Variants in JAKMIP3 observed in about 807,000 individuals in gnomAD.
The protein encoded by JAKMIP3 is Janus kinase and microtubule interacting protein 3.
Under a neutral mutation model 118.5 loss-of-function variants are expected in JAKMIP3, and 58 were observed. The observed-to-expected ratio is 0.49, with a 90% CI of 0.40 to 0.61. The LOEUF is 0.61. Among genes scored for constraint, JAKMIP3 ranks in the 20% least tolerant of loss-of-function variants. JAKMIP3 has a pLI of 0.00. For synonymous variants in JAKMIP3, 486 were observed against 451.2 expected (o/e 1.08, Z -0.98); for missense variants, 950 against 1,109.0 (o/e 0.86, Z 2.04).
intron 23 of JAKMIP3, among the ~76,000 whole-genome samples, chr10:132,173,000 CCTCTCTCTCTCTCTCCCT>C (rs1565005042): frequency 6.5e-4 from 32 of 49,246 alleles, no homozygotes; most frequent in African/African-American, 2.2e-3. Flanking sequence ...TCTCTCCTTC[CCTCTCTCTCTCTCTCCCT>C]CTCTCTCTCC....
chr10:132,113,178 T>C (rs2047130249), intron 2 of JAKMIP3, among the ~76,000 whole-genome samples: 1 of 152,222 alleles, frequency 6.6e-6, no homozygotes, highest in Non-Finnish European at 1.5e-5. Context: ...AGGAGGTAGA[T>C]GATCTGTGAA....
At chr10:132,045,469 A>T (rs935518312) in intron 1 of JAKMIP3, among the ~76,000 whole-genome samples, 11 of 151,932 alleles carry the variant, frequency 7.2e-5, no homozygotes, top group Non-Finnish European at 1.6e-4. Flanking sequence ...CAGCTTCCCT[A>T]ATTAGTGAAG....
intron 1 of JAKMIP3, among the ~76,000 whole-genome samples, chr10:132,067,354 A>C (rs577224808): frequency 2.0e-5 from 3 of 152,156 alleles, no homozygotes; most frequent in African/African-American, 7.2e-5. Flanking sequence ...CCCCTGTGAA[A>C]CCTAAGGGCA....
intron 23 of JAKMIP3, among the ~76,000 whole-genome samples, chr10:132,178,051 G>A (rs138295310): frequency 3.3e-5 from 5 of 152,348 alleles, no homozygotes; most frequent in African/African-American, 2.4e-5. Context: ...CTGTGCACCC[G>A]CTTCTGTGCA....
chr10:132,105,960 CTGTGATTTCACCTCCT>C (rs376583381), intron 2 of JAKMIP3, among the ~76,000 whole-genome samples: 3,162 of 151,792 alleles, frequency 0.021, 42 homozygotes, highest in Non-Finnish European at 0.033. Flanking sequence ...ATTGACCCTC[CTGTGATTTCACCTCCT>C]TGTCATATCA....
intron 1 of JAKMIP3, among the ~76,000 whole-genome samples, chr10:132,040,798 A>G (rs2037719378): frequency 6.6e-6 from 1 of 152,110 alleles, no homozygotes; most frequent in Non-Finnish European, 1.5e-5. Context: ...TCTGGAGGTT[A>G]TTCCTCTCAC....
At chr10:132,124,311 G>A (rs1409445727) in intron 3 of JAKMIP3, among the ~76,000 whole-genome samples, 1 of 151,096 alleles carries the variant, frequency 6.6e-6, no homozygotes, top group East Asian at 2.0e-4. Flanking sequence ...CATCACAGCT[G>A]AACCAGCCGG....
At chr10:132,050,947 AC>A (rs1365982475) in intron 1 of JAKMIP3, among the ~76,000 whole-genome samples, 1 of 148,230 alleles carries the variant, frequency 6.7e-6, no homozygotes, top group African/African-American at 2.5e-5. Flanking sequence ...GTGAGTGGGT[AC>A]CTGCCTGTCT....
intron 1 of JAKMIP3, among the ~76,000 whole-genome samples, chr10:132,101,223 C>T (rs2044850739): frequency 6.6e-6 from 1 of 152,160 alleles, no homozygotes; most frequent in Non-Finnish European, 1.5e-5. Flanking sequence ...TTTCCCTCCT[C>T]CAAAGTGGAA....
At chr10:132,163,582 A>G (rs1432101135) in intron 20 of JAKMIP3, among the ~76,000 whole-genome samples, 170 bp downstream of exon 20, 1 of 152,038 alleles carries the variant, frequency 6.6e-6, no homozygotes, top group African/African-American at 2.4e-5. Context: ...CCTGATGGCC[A>G]TGCCCCCAAA....
intron 1 of JAKMIP3, among the ~76,000 whole-genome samples, chr10:132,042,770 T>C (rs2037800638): frequency 6.6e-6 from 1 of 152,118 alleles, no homozygotes; most frequent in Non-Finnish European, 1.5e-5. Context: ...GTATTAGAAA[T>C]AGTTAAGAAA....
At chr10:132,094,192 G>A (rs1422612950) in intron 1 of JAKMIP3, among the ~76,000 whole-genome samples, 1 of 151,878 alleles carries the variant, frequency 6.6e-6, no homozygotes, top group African/African-American at 2.4e-5. Context: ...CCTTAAATTG[G>A]GCTTTGCCTT....
intron 1 of JAKMIP3, among the ~76,000 whole-genome samples, chr10:132,054,937 G>A (rs371179976): frequency 7.9e-5 from 12 of 151,858 alleles, no homozygotes; most frequent in Admixed American, 1.3e-4. Context: ...AGGACCCTCC[G>A]CTTGGGGATA....
At chr10:132,171,648 C>CTTTTTTTTTTTTTTT (rs1324091102) in intron 23 of JAKMIP3, among the ~76,000 whole-genome samples, 2 of 125,554 alleles carry the variant, frequency 1.6e-5, no homozygotes, top group South Asian at 4.8e-4. Flanking sequence ...TTATTTTTTT[C>CTTTTTTTTTTTTTTT]TTTCTTTTTT....
In JAKMIP3 at chr10:132,168,308, G is replaced by A. The variant is rs544420274; in HGVS notation, c.*378G>A. 118 of 1,289,508 alleles carry A rather than the reference G, an allele frequency of 9.2e-5. 2 individuals are homozygous for A. The African/African-American group carries it at 1.5e-3, about 17-fold the overall frequency. The allele number at this position is 1,289,508 out of a possible 1,614,324, so 79.9% of individuals were successfully genotyped here. ...GCTTCTGTGCAGAAGCACCAGCCGC[G>A]GGTCCCCTCCTCTCTCTTGGTTCTC... is the stretch of plus-strand genomic sequence containing the variant. On this transcript the variant is annotated 3_prime_UTR_variant, in exon 23 of 24. Coordinates refer to ENST00000684848, the MANE Select transcript of JAKMIP3 (RefSeq NM_001323087.2).
rs995159690 is a variant in JAKMIP3 at position 132,137,011 on chromosome 10, C to T, written c.1117-8C>T. On this transcript the variant is annotated splice_region_variant and splice_polypyrimidine_tract_variant and intron_variant, in intron 6 of 23. Transcript: ENST00000684848. ...CCAACTTGTGATGTGGGCTGCTTGG[C>T]GTTTCAGAGACAGAGAGCTGGAATC... 9.3e-6 allele frequency: 15 copies of T among 1,611,898 alleles called. No homozygotes were observed. The highest frequency in any genetic ancestry group is 2.2e-5 in the East Asian group (1 of 44,876).
rs2046992213 is a variant in JAKMIP3 at position 132,112,294 on chromosome 10, C to T, written c.136-4783C>T. On this transcript the variant is annotated intron_variant, in intron 2 of 23. Coordinates refer to ENST00000684848, the MANE Select transcript of JAKMIP3 (RefSeq NM_001323087.2). The surrounding 1 kb of genome is among the most constrained non-coding windows in gnomAD (Gnocchi z 4.3). ...GGCCTCAGGTGTGGGAGCGGGGTCT[C>T]CGGGTGGTGGGAGATGCTGCCCAGA... Among the ~76,000 whole-genome samples, 1 of 151,888 alleles carries T rather than the reference C, an allele frequency of 6.6e-6. No homozygotes were observed. The highest frequency in any genetic ancestry group is 2.4e-5 in the African/African-American group (1 of 41,394).
chr10:132,057,528 C>T (rs992658026), intron 1 of JAKMIP3, among the ~76,000 whole-genome samples: 4 of 152,218 alleles, frequency 2.6e-5, no homozygotes, highest in Non-Finnish European at 5.9e-5. Context: ...CGGTTAGTGT[C>T]AGAACTGCAT....
rs200231891 is a variant in JAKMIP3 at position 132,137,303 on chromosome 10, G to A, written c.1284+14G>A. 6.2e-7 allele frequency: 1 copy of A among 1,613,750 alleles called. No individual in the cohort carries two copies. Among genetic ancestry groups the A allele is most frequent in the Non-Finnish European group, 8.5e-7 (1 of 1,179,874 alleles). On this transcript the variant is annotated intron_variant, in intron 8 of 23. Transcript: ENST00000684848. ...AAGAGCGTGTTAGTAAGTATGGTCA[G>A]CGCCCGCTTCCCCACGCCTCCGCTC...
Sources: gnomAD v4.1 joint callset for allele counts (sites outside exome capture counted in the v4.1 genomes callset) on GRCh38, gnomAD v4.1.1 for gene constraint, Gnocchi (gnomAD v3.1) non-coding constraint, MANE v1.5 for transcripts, NCBI Gene and HGNC (gene_info 2026-07-23, HGNC 2026-07-21) for gene names.